CNTNAP2: variants seen among roughly 807,000 people sequenced by gnomAD.
CNTNAP2 encodes the protein contactin-associated protein-like 2.
A neutral mutation model predicts 155.2 loss-of-function variants in CNTNAP2; 98 were observed. The ratio of observed to expected loss-of-function variants is 0.63; its 90% CI spans 0.54 to 0.75. CNTNAP2 has a LOEUF of 0.75. CNTNAP2 is among the 30% of genes least tolerant of loss of function. The pLI, the probability that CNTNAP2 is intolerant of heterozygous loss-of-function variation, is 0.00. For missense variants in CNTNAP2, 1,727 were observed against 1,688.1 expected (o/e 1.02, Z -0.40); for synonymous variants, 651 against 631.2 (o/e 1.03, Z -0.47).
chr7:148,244,186 TTC>T (rs1193964586), intron 20 of CNTNAP2, among the ~76,000 whole-genome samples: 1 of 152,154 alleles, frequency 6.6e-6, no homozygotes, highest in East Asian at 1.9e-4. Context: ...GGGCCAGGTG[TTC>T]TGTTTTATTT....
At chr7:146,826,580 T>C (rs1401967286) in intron 2 of CNTNAP2, among the ~76,000 whole-genome samples, 1 of 151,986 alleles carries the variant, frequency 6.6e-6, no homozygotes, top group Non-Finnish European at 1.5e-5. Context: ...TGCTCCCTGA[T>C]GTGTGGAGAA....
At chr7:146,123,784 T>C (rs1261211740) in intron 1 of CNTNAP2, among the ~76,000 whole-genome samples, 1 of 152,112 alleles carries the variant, frequency 6.6e-6, no homozygotes, top group Non-Finnish European at 1.5e-5. Context: ...AAATAATAAC[T>C]CTAAGAAAAT....
chr7:147,049,574 G>A (rs542610109), intron 4 of CNTNAP2, among the ~76,000 whole-genome samples: 1 of 152,070 alleles, frequency 6.6e-6, no homozygotes, highest in Admixed American at 6.6e-5. Context: ...CCCCATTTTG[G>A]CTTCCTAGAG....
At chr7:148,081,708 ATC>A (rs1223501102) in intron 15 of CNTNAP2, among the ~76,000 whole-genome samples, 1 of 152,130 alleles carries the variant, frequency 6.6e-6, no homozygotes, top group Non-Finnish European at 1.5e-5. Flanking sequence ...AGGAGAGGAT[ATC>A]TGAACTAAGC....
At chr7:147,656,808 G>A (rs1486663406) in intron 13 of CNTNAP2, among the ~76,000 whole-genome samples, 5 of 152,112 alleles carry the variant, frequency 3.3e-5, no homozygotes, top group East Asian at 1.9e-4. Context: ...AGATTTACTC[G>A]AAGCAGGGTT....
intron 1 of CNTNAP2, among the ~76,000 whole-genome samples, chr7:146,382,170 G>C (rs779595261): frequency 6.6e-6 from 1 of 152,198 alleles, no homozygotes; most frequent in Non-Finnish European, 1.5e-5. Flanking sequence ...TAGACTGAAA[G>C]AATATGAGGC....
intron 1 of CNTNAP2, among the ~76,000 whole-genome samples, chr7:146,750,743 T>C (rs1333976804): frequency 2.0e-5 from 3 of 152,196 alleles, no homozygotes; most frequent in Non-Finnish European, 2.9e-5. Flanking sequence ...GAAATGTATA[T>C]AGTGATTGTA....
chr7:146,911,887 C>T (rs1243555274), intron 3 of CNTNAP2, among the ~76,000 whole-genome samples: 1 of 152,056 alleles, frequency 6.6e-6, no homozygotes, highest in Admixed American at 6.6e-5. Flanking sequence ...TGGTAATTTT[C>T]AAGTATCTCA....
chr7:146,784,540 G>T (rs1802541829), intron 2 of CNTNAP2, among the ~76,000 whole-genome samples: 1 of 152,164 alleles, frequency 6.6e-6, no homozygotes, highest in Non-Finnish European at 1.5e-5. Context: ...AATTTAAGAA[G>T]ATGTGAAGAA....
chr7:147,225,949 AAGAAAGAG>A (rs1803530291), intron 8 of CNTNAP2, among the ~76,000 whole-genome samples: 1 of 151,706 alleles, frequency 6.6e-6, no homozygotes, highest in Non-Finnish European at 1.5e-5. Context: ...GAAGGAAAGG[AAGAAAGAG>A]AGAAAGGAAG....
At chr7:147,318,051 T>C (rs2620455) in intron 9 of CNTNAP2, among the ~76,000 whole-genome samples, 74,652 of 152,000 alleles carry the variant, frequency 0.49, 19,497 homozygotes, top group East Asian at 0.73. Context: ...TAAAATTTTC[T>C]ACAGTAGCCA....
intron 14 of CNTNAP2, among the ~76,000 whole-genome samples, chr7:147,908,064 T>A (rs1460310329): frequency 6.6e-6 from 1 of 152,044 alleles, no homozygotes; most frequent in Non-Finnish European, 1.5e-5. Flanking sequence ...CCACCACAAC[T>A]GGCCCTTATC....
chr7:148,085,019 A>G (rs1007902352), intron 15 of CNTNAP2, among the ~76,000 whole-genome samples: 1 of 152,238 alleles, frequency 6.6e-6, no homozygotes, highest in East Asian at 1.9e-4. Flanking sequence ...TAAAAGTTTG[A>G]GTAATGGGAA....
intron 8 of CNTNAP2, among the ~76,000 whole-genome samples, chr7:147,264,978 A>G (rs184456169): frequency 7.5e-4 from 114 of 152,114 alleles, no homozygotes; most frequent in Non-Finnish European, 6.3e-4. Flanking sequence ...GCGAAGTTCA[A>G]TAGGTAGACT....
At chr7:146,243,461 A>G (rs981660798) in intron 1 of CNTNAP2, among the ~76,000 whole-genome samples, 2 of 152,156 alleles carry the variant, frequency 1.3e-5, no homozygotes, top group Non-Finnish European at 2.9e-5. Flanking sequence ...TCTGATTTGA[A>G]AGGAAGTAGT....
intron 9 of CNTNAP2, among the ~76,000 whole-genome samples, chr7:147,381,097 T>C (rs1002469934): frequency 2.0e-5 from 3 of 152,150 alleles, no homozygotes; most frequent in African/African-American, 7.2e-5. Flanking sequence ...AAACACTAAA[T>C]GACACTGGCA....
At chr7:146,411,689 A>T (rs1046535997) in intron 1 of CNTNAP2, among the ~76,000 whole-genome samples, 4 of 150,604 alleles carry the variant, frequency 2.7e-5, no homozygotes, top group Non-Finnish European at 4.4e-5. Flanking sequence ...ATTCACAACC[A>T]TTAGAAGTTA....
intron 9 of CNTNAP2, among the ~76,000 whole-genome samples, chr7:147,364,651 C>T (rs1796195657): frequency 6.6e-6 from 1 of 152,064 alleles, no homozygotes; most frequent in Non-Finnish European, 1.5e-5. Context: ...AGATTGAGAC[C>T]ATCCTGGCTA....
At chr7:146,533,312 A>G (rs911292577) in intron 1 of CNTNAP2, among the ~76,000 whole-genome samples, 7 of 152,136 alleles carry the variant, frequency 4.6e-5, no homozygotes, top group African/African-American at 1.7e-4. Flanking sequence ...ATCTACCTAT[A>G]GGCTAATGTC....
Sources: allele counts gnomAD v4.1 joint callset (sites outside exome capture counted in the v4.1 genomes callset), GRCh38; gene constraint gnomAD v4.1.1; transcripts MANE v1.5; gene names NCBI Gene and HGNC (gene_info 2026-07-23, HGNC 2026-07-21).